The following BICDL1 variants were observed in gnomAD, a reference collection of about 807,000 sequenced individuals.
BICDL1 encodes the protein BICD family-like cargo adapter 1.
BICDL1 carries 20 observed loss-of-function variants against 76.8 expected under a neutral mutation model. The ratio of observed to expected loss-of-function variants is 0.26; its 90% confidence interval spans 0.18 to 0.38. The LOEUF is 0.38. Among genes scored for constraint, BICDL1 ranks in the 10% least tolerant of loss-of-function variants. The pLI is 1.00. For synonymous variants in BICDL1, 383 were observed against 337.1 expected, an observed-to-expected ratio of 1.14 and a Z score of -1.49; for missense variants, 700 against 798.6, an observed-to-expected ratio of 0.88 and a Z score of 1.49.
At chr12:120,092,122 CTT>C (rs1336362658) in intron 9 of BICDL1, 14 of 985,302 alleles carry the variant, frequency 1.4e-5, no homozygotes, top group African/African-American at 5.2e-5. Context: ...AGTTTTCAAA[CTT>C]TGTTAGTGGC....
chr12:120,042,726 A>G (rs1952667953), intron 2 of BICDL1, among the ~76,000 whole-genome samples: 1 of 151,212 alleles, frequency 6.6e-6, no homozygotes, highest in Non-Finnish European at 1.5e-5. Context: ...AATCATTTGA[A>G]CCCGGGAGGC....
chr12:120,032,786 C>T (rs1952450068), intron 2 of BICDL1, among the ~76,000 whole-genome samples: 1 of 132,344 alleles, frequency 7.6e-6, no homozygotes, highest in Non-Finnish European at 1.5e-5. Context: ...CTTGCTCTGT[C>T]ACCCAGGCTG....
intron 8 of BICDL1, among the ~76,000 whole-genome samples, chr12:120,084,603 C>T (rs565566322): frequency 3.3e-5 from 5 of 152,150 alleles, no homozygotes; most frequent in African/African-American, 1.2e-4. Flanking sequence ...ATTCCTCATA[C>T]TCAGGCCAGT....
At chr12:120,048,215 G>A (rs369902640) in intron 2 of BICDL1, among the ~76,000 whole-genome samples, 1 of 151,492 alleles carries the variant, frequency 6.6e-6, no homozygotes, top group East Asian at 1.9e-4. Flanking sequence ...AGGTCTCACT[G>A]TGTCGCTCAG....
chr12:120,067,831 C>T (rs538090731), intron 4 of BICDL1, among the ~76,000 whole-genome samples: 4 of 152,238 alleles, frequency 2.6e-5, no homozygotes, highest in South Asian at 4.1e-4. Flanking sequence ...CAAATGCTTC[C>T]TAGGAATGTC....
chr12:120,067,555 T>C (rs1953247921), intron 4 of BICDL1, among the ~76,000 whole-genome samples: 1 of 152,358 alleles, frequency 6.6e-6, no homozygotes, highest in Admixed American at 6.5e-5. Flanking sequence ...TTCTCTTGTT[T>C]GGTTTGGTTT....
intron 2 of BICDL1, among the ~76,000 whole-genome samples, chr12:120,005,887 C>G (rs1183640622): frequency 2.0e-5 from 3 of 152,168 alleles, no homozygotes; most frequent in Admixed American, 1.3e-4. Context: ...CATCCTTGTT[C>G]ATACATTTTT....
At position 120,093,315 on chromosome 12, in the gene BICDL1, G is replaced by T. The variant is rs1264551002; in HGVS notation, c.*154G>T. 3.8e-5 allele frequency: 33 copies of T among 871,998 alleles called. No individual in the cohort carries two copies. The highest frequency in any genetic ancestry group is 4.0e-5 in the Non-Finnish European group (23 of 580,126). The allele number at this position is 871,998 out of a possible 1,614,324, so 54.0% of individuals were successfully genotyped here. A position where few individuals can be genotyped will look rare whatever the true frequency, so the allele number is the denominator to read the frequency against. ...CGGGAGGGCCTGCTCCCTTTCGTCG[G>T]TGGGGATGGAGACCTAGAGGTGGGG... On this transcript the variant is annotated 3_prime_UTR_variant, in exon 10 of 10. Transcript: ENST00000548673.
chr12:120,027,027 CTTT>C lies in BICDL1; in HGVS notation c.645+28310_645+28312del, dbSNP rs10606114. Among the ~76,000 whole-genome samples, 713 of 118,072 alleles carry C rather than the reference CTTT, an allele frequency of 6.0e-3. 8 individuals are homozygous for C. Among genetic ancestry groups the C allele is most frequent in the African/African-American group, 0.021 (617 of 29,744 alleles). 77.5% of individuals were successfully genotyped at this position (118,072 alleles called of 152,430 possible). A position where few individuals can be genotyped will look rare whatever the true frequency, so the allele number is the denominator to read the frequency against. On this transcript the variant is annotated intron_variant, in intron 2 of 9. Transcript: ENST00000548673. ...GAGAACGAGAATAATGATGTAATTT[CTTT>C]TTTTTTTTTTTTTTTTTTGAGATGG... is the stretch of plus-strand genomic sequence containing the variant.
chr12:120,004,942 C>G (rs552389407), intron 2 of BICDL1, among the ~76,000 whole-genome samples: 1 of 152,194 alleles, frequency 6.6e-6, no homozygotes, highest in African/African-American at 2.4e-5. Flanking sequence ...CTGTCTCAGC[C>G]TCCTGAGTAG....
chr12:119,992,497 C>T (rs186207039), intron 1 of BICDL1: 1 of 152,404 alleles, frequency 6.6e-6, no homozygotes, highest in Admixed American at 6.5e-5. Context: ...GACCCTCCCA[C>T]TCAGCCTCCT....
At chr12:120,030,139 C>G (rs1170858655) in intron 2 of BICDL1, among the ~76,000 whole-genome samples, 4 of 150,668 alleles carry the variant, frequency 2.7e-5, no homozygotes, top group Admixed American at 2.0e-4. Context: ...CTTGGTAACC[C>G]TTTGTGTGAG....
chr12:120,069,326 G>C (rs1872912221), intron 4 of BICDL1, among the ~76,000 whole-genome samples: 2 of 152,202 alleles, frequency 1.3e-5, no homozygotes, highest in Non-Finnish European at 2.9e-5. Flanking sequence ...ACTGATGTTA[G>C]ACATGGCAAA....
intron 2 of BICDL1, among the ~76,000 whole-genome samples, chr12:120,015,576 A>G (rs1952044828): frequency 6.6e-6 from 1 of 152,124 alleles, no homozygotes; most frequent in Non-Finnish European, 1.5e-5. Flanking sequence ...ATTTGACTCC[A>G]TTGAGTCAAG....
At chr12:120,026,563 A>G (rs2138738891) in intron 2 of BICDL1, among the ~76,000 whole-genome samples, 1 of 152,352 alleles carries the variant, frequency 6.6e-6, no homozygotes, top group Non-Finnish European at 1.5e-5. Flanking sequence ...CTCTTGAGGG[A>G]AAAGGACAAA....
intron 2 of BICDL1, chr12:120,057,003 T>G (rs962369997): frequency 6.1e-6 from 3 of 494,172 alleles, no homozygotes; most frequent in African/African-American, 5.8e-5. Context: ...CCAGTGGTCC[T>G]CTCGCCCACG....
chr12:120,054,616 C>T (rs774361050), intron 2 of BICDL1, among the ~76,000 whole-genome samples: 1 of 152,116 alleles, frequency 6.6e-6, no homozygotes, highest in South Asian at 2.1e-4. Flanking sequence ...TGGTGGCTCA[C>T]GCCTAATCCC....
intron 3 of BICDL1, among the ~76,000 whole-genome samples, chr12:120,062,035 C>T (rs926701127): frequency 2.6e-5 from 4 of 152,120 alleles, no homozygotes; most frequent in Admixed American, 1.3e-4. Context: ...GTTGAAATCA[C>T]GAATGACCTA....
intron 2 of BICDL1, among the ~76,000 whole-genome samples, chr12:120,043,716 T>A (rs1215890506): frequency 6.6e-6 from 1 of 152,224 alleles, no homozygotes; most frequent in Non-Finnish European, 1.5e-5. Context: ...CTTGTGGGCT[T>A]AAAGTTAATC....
Sources: gnomAD v4.1 joint callset for allele counts (sites outside exome capture counted in the v4.1 genomes callset) on GRCh38, gnomAD v4.1.1 for gene constraint, MANE v1.5 for transcripts, NCBI Gene and HGNC (gene_info 2026-07-23, HGNC 2026-07-21) for gene names.